Variants in HSPBAP1 observed in about 807,000 individuals in gnomAD.
The protein encoded by HSPBAP1 is HSPB1 associated protein 1, also known as HSPB1-associated protein 1.
Under a neutral mutation model 45.2 loss-of-function variants are expected in HSPBAP1, and 27 were observed. The observed-to-expected ratio is 0.60, with a 90% confidence interval of 0.44 to 0.82. The LOEUF (loss-of-function observed/expected upper bound fraction) is 0.82, where lower values mean the gene tolerates loss of function less well. Among genes scored for constraint, HSPBAP1 ranks in the 40% least tolerant of loss-of-function variants. The pLI is 0.00. For synonymous variants in HSPBAP1, 204 were observed against 202.7 expected (o/e 1.01, Z -0.06); for missense variants, 510 against 590.9 (o/e 0.86, Z 1.42).
chr3:122,783,267 G>C (rs562859796), intron 1 of HSPBAP1, among the ~76,000 whole-genome samples: 9 of 152,220 alleles, frequency 5.9e-5, no homozygotes, highest in Non-Finnish European at 1.0e-4. Flanking sequence ...TTTCACTTTT[G>C]ACATGTACAG....
chr3:122,779,655 C>A (rs1485787932), intron 1 of HSPBAP1, among the ~76,000 whole-genome samples: 1 of 150,322 alleles, frequency 6.7e-6, no homozygotes, highest in East Asian at 1.9e-4. Flanking sequence ...GACCCTGCGG[C>A]CTTCCGCAGT....
intron 1 of HSPBAP1, among the ~76,000 whole-genome samples, chr3:122,782,211 T>C (rs116541774): frequency 1.3e-5 from 2 of 152,310 alleles, no homozygotes; most frequent in Non-Finnish European, 2.9e-5. Context: ...TATCACAGGT[T>C]AATGCCAGAA....
chr3:122,740,473 G>A lies in HSPBAP1; in HGVS notation c.1339C>T (p.Gln447Ter), dbSNP rs1476207873. ...MSNSENAIEE[Q>*]IASNTTTTPQ... Reference sequence around the variant, plus strand: ...GTCGTAGTAGTATTTGAGGCAATCTGTTCCTCAATTGCATTTTCACTGTTG... The same window carrying A: ...GTCGTAGTAGTATTTGAGGCAATCTATTCCTCAATTGCATTTTCACTGTTG... Residue 447 changes from glutamine to a stop codon, truncating the protein, a stop_gained, in exon 8 of 8, where the codon CAG (glutamine) becomes TAG (stop). Transcript: ENST00000306103. LOFTEE classifies it high-confidence loss of function. The A allele has an allele frequency of 6.2e-7, 1 of 1,613,978 alleles. No individual in the cohort carries two copies. Among genetic ancestry groups the A allele is most frequent in the South Asian group, 1.1e-5 (1 of 91,078 alleles).
rs201890456 is a variant in HSPBAP1, at chr3:122,740,325, A to G, written c.*20T>C. The G allele has an allele frequency of 1.7e-4, 248 of 1,472,574 alleles. 2 individuals are homozygous for G. In the East Asian group the frequency reaches 5.3e-3, roughly 32 times the overall value. The allele number at this position is 1,472,574 out of a possible 1,614,324, so 91.2% of individuals were successfully genotyped here. On this transcript the variant is annotated 3_prime_UTR_variant, in exon 8 of 8. Coordinates refer to ENST00000306103, the MANE Select transcript of HSPBAP1 (RefSeq NM_024610.6). ...TATATATTTAAAAAATATTATTTTA[A>G]AAGTCATCTTCCACTTGAATCATAA...
chr3:122,782,900 C>T (rs1935536071), intron 1 of HSPBAP1, among the ~76,000 whole-genome samples: 1 of 152,190 alleles, frequency 6.6e-6, no homozygotes, highest in Non-Finnish European at 1.5e-5. Context: ...AAACTTAAAT[C>T]AGTTTGGCCT....
chr3:122,759,456 T>C, intron 3 of HSPBAP1, 96 bp from the exon 4 acceptor site: 1 of 1,292,270 alleles, frequency 7.7e-7, no homozygotes, highest in South Asian at 1.3e-5. Context: ...TATTTAGCAG[T>C]TGGAATATTC....
intron 1 of HSPBAP1, among the ~76,000 whole-genome samples, chr3:122,790,613 C>T (rs552509370): frequency 1.3e-5 from 2 of 152,226 alleles, no homozygotes; most frequent in South Asian, 4.1e-4. Context: ...TTGTCTTTTG[C>T]TTTACCACAT....
At chr3:122,754,407 C>T (rs1934266995) in intron 5 of HSPBAP1, 1 of 325,560 alleles carries the variant, frequency 3.1e-6, no homozygotes, top group Non-Finnish European at 4.4e-6. Flanking sequence ...TATAATATTG[C>T]ACTGTGTGAA....
intron 4 of HSPBAP1, 102 bp downstream of exon 4, chr3:122,759,122 T>A: frequency 6.8e-7 from 1 of 1,460,612 alleles, no homozygotes; most frequent in Non-Finnish European, 9.1e-7. Flanking sequence ...GGGCTGGGAC[T>A]ACACCTTGGG....
At chr3:122,769,487 C>T (rs1934909126) in intron 2 of HSPBAP1, among the ~76,000 whole-genome samples, 1 of 152,112 alleles carries the variant, frequency 6.6e-6, no homozygotes, top group African/African-American at 2.4e-5. Flanking sequence ...AGTGGATTGA[C>T]ACAAAAACTA....
At position 122,793,640 on chromosome 3, in the gene HSPBAP1, G is replaced by T. The variant is rs781332994; in HGVS notation, c.41C>A (p.Ala14Glu). The T allele has an allele frequency of 5.6e-6, 9 of 1,613,804 alleles. No homozygotes were observed. Among genetic ancestry groups the T allele is most frequent in the Non-Finnish European group, 7.6e-6 (9 of 1,179,996 alleles). Residue 14 changes from alanine (A) to glutamate (E), a missense_variant, in exon 1 of 8, where the codon GCG becomes GAG. Transcript: ENST00000306103. ...ACCTTCCTCCCCTCCAGCCCCAGCC[G>T]CAACGATCACAGGAGTGGTCGCCTC... Reference protein sequence around the residue: ...GSEATTPVIVAAGAGGEEGEH... With the variant: ...GSEATTPVIVEAGAGGEEGEH...
Position 122,768,822 on chromosome 3 carries a change from C to G in HSPBAP1, c.311G>C (p.Trp104Ser). ...VEATLEEFLT[W>S]NCDQSSISGP... Reference sequence around the variant, plus strand: ...AGAAATACTAGACTGGTCACAGTTCCAGGTCAGAAACTCTTCGAGTGTAGC... The same window carrying G: ...AGAAATACTAGACTGGTCACAGTTCGAGGTCAGAAACTCTTCGAGTGTAGC... Residue 104 changes from tryptophan (W) to serine (S), a missense_variant, in exon 3 of 8, where the codon TGG (tryptophan) becomes TCG (serine). Coordinates refer to ENST00000306103, the MANE Select transcript of HSPBAP1 (RefSeq NM_024610.6). 1 of 1,612,656 alleles carries G rather than the reference C, an allele frequency of 6.2e-7. No individual in the cohort carries two copies. The highest frequency in any genetic ancestry group is 8.5e-7 in the Non-Finnish European group (1 of 1,178,666).
At chr3:122,740,954 G>T in intron 7 of HSPBAP1, 49 bp downstream of exon 7, 1 of 1,606,406 alleles carries the variant, frequency 6.2e-7, no homozygotes, top group Non-Finnish European at 8.5e-7. Flanking sequence ...GTCAGGGCTG[G>T]TTTACCACAG....
chr3:122,753,317 G>C (rs186964790), intron 5 of HSPBAP1: 99 of 487,280 alleles, frequency 2.0e-4, no homozygotes, highest in African/African-American at 1.8e-3. Context: ...ATAGCAAGTA[G>C]GTCAGTCTTA....
At chr3:122,772,807 A>T (rs1309608769) in intron 2 of HSPBAP1, among the ~76,000 whole-genome samples, 2 of 152,152 alleles carry the variant, frequency 1.3e-5, no homozygotes, top group Non-Finnish European at 2.9e-5. Flanking sequence ...GCAAACAATA[A>T]CTAGGAAGCT....
At chr3:122,772,849 AT>A (rs113617997) in intron 2 of HSPBAP1, among the ~76,000 whole-genome samples, 7 of 151,800 alleles carry the variant, frequency 4.6e-5, no homozygotes, top group African/African-American at 1.7e-4. Flanking sequence ...TTATTTTTTC[AT>A]TTTTTTTACT....
chr3:122,780,790 T>C (rs1466751496), intron 1 of HSPBAP1, among the ~76,000 whole-genome samples: 1 of 148,090 alleles, frequency 6.8e-6, no homozygotes, highest in Non-Finnish European at 1.5e-5. Context: ...GGCTCCTCAC[T>C]TCTCAGACGG....
chr3:122,756,429 G>A (rs895377942), intron 4 of HSPBAP1, among the ~76,000 whole-genome samples: 8 of 152,156 alleles, frequency 5.3e-5, no homozygotes, highest in East Asian at 1.9e-4. Flanking sequence ...CTCACTGCCT[G>A]TAACCTCAGC....
intron 5 of HSPBAP1, chr3:122,754,745 G>GTACCT: frequency 3.0e-6 from 3 of 985,576 alleles, no homozygotes; most frequent in Non-Finnish European, 3.6e-6. Context: ...ACTATGTACA[G>GTACCT]TACCTTTGGA....
Sources: allele counts gnomAD v4.1 joint callset (sites outside exome capture counted in the v4.1 genomes callset), GRCh38; gene constraint gnomAD v4.1.1; transcripts MANE v1.5; gene names NCBI Gene and HGNC (gene_info 2026-07-23, HGNC 2026-07-21).